Variants in ZBTB17 observed in about 807,000 individuals in gnomAD.
ZBTB17 encodes zinc finger and BTB domain-containing protein 17.
Under a neutral mutation model 85.1 loss-of-function variants are expected in ZBTB17, and 24 were observed. That is an observed-to-expected ratio of 0.28 (90% CI 0.20 to 0.40). ZBTB17 has a LOEUF of 0.40. ZBTB17 is among the 10% of genes least tolerant of loss of function. ZBTB17 has a pLI of 1.00. For synonymous variants in ZBTB17, 464 were observed against 460.2 expected (o/e 1.01, Z -0.11); for missense variants, 743 against 1,105.1 (o/e 0.67, Z 4.65).
chr1:15,967,465 G>A (rs1570202262), intron 2 of ZBTB17, among the ~76,000 whole-genome samples: 1 of 151,408 alleles, frequency 6.6e-6, no homozygotes, highest in Admixed American at 6.6e-5. Flanking sequence ...GATTGCTTGC[G>A]CCCAGGAGTT....
Position 15,943,101 on chromosome 1 carries a change from G to T in ZBTB17, c.1791C>A (p.Asn597Lys). 1 of 1,614,090 alleles carries T rather than the reference G, an allele frequency of 6.2e-7. No homozygotes were observed. The highest frequency in any genetic ancestry group is 8.5e-7 in the Non-Finnish European group (1 of 1,179,982). The part of the protein sequence containing the change: ...KCSVCSKAFV[N>K]VGDLSKHIII... ...TGATGTGCTTGGACAGGTCCCCCAC[G>T]TTCACGAAGGCCTTGCTGCACACGC... The change falls in exon 13 of 16, where the codon AAC becomes AAA. Residue 597 changes from asparagine to lysine, a missense_variant. Around this residue, in one of 4 missense-constraint regions of ZBTB17, gnomAD observed 321 missense variants for 615.7 expected, o/e 0.52. Coordinates refer to ENST00000375743, the MANE Select transcript of ZBTB17 (RefSeq NM_003443.3).
intron 2 of ZBTB17, among the ~76,000 whole-genome samples, chr1:15,956,359 C>A (rs1377642275): frequency 6.6e-6 from 1 of 152,168 alleles, no homozygotes; most frequent in Non-Finnish European, 1.5e-5. Flanking sequence ...GGTTACAGAT[C>A]AAGTAGGGAA....
rs1420165845 is a variant in ZBTB17 at position 15,964,901 on chromosome 1, G to T, written c.-3+8138C>A. Among the ~76,000 whole-genome samples the T allele has an allele frequency of 6.6e-6, 1 of 152,062 alleles. No individual in the cohort carries two copies. Among genetic ancestry groups the T allele is most frequent in the East Asian group, 1.9e-4 (1 of 5,192 alleles). On this transcript the variant is annotated intron_variant, in intron 2 of 15. Coordinates refer to ENST00000375743, the MANE Select transcript of ZBTB17 (RefSeq NM_003443.3). The surrounding 1 kb of genome is among the most constrained non-coding windows in gnomAD (Gnocchi z 4.3). ...GAGGCCGAGATGGGTGGATCATGAG[G>T]TCAGGAGTTCAAGACCAGCCTGGCC...
At chr1:15,942,505 C>G in intron 14 of ZBTB17, 24 bp downstream of exon 14, 1 of 1,609,972 alleles carries the variant, frequency 6.2e-7, no homozygotes, top group Non-Finnish European at 8.5e-7. Context: ...CCTGTGACTT[C>G]CCTCTGCTGC....
rs376942782 is a variant in ZBTB17, at chr1:15,944,989, T to G, written c.875A>C (p.Tyr292Ser). ...SEARGLRSGT[Y>S]GDRTESKAYG... The stretch of plus-strand genomic sequence containing the variant: ...GGCCTTGGACTCCGTGCGGTCGCCG[T>G]AGGTGCCTGAGCGCAGGCCCCGGGC... The change falls in exon 7 of 16, where the codon TAC becomes TCC. Residue 292 changes from tyrosine to serine, a missense_variant. Physicochemically the swap from Tyr to Ser is moderately radical, Grantham distance 144 (BLOSUM62 -2). This residue lies in a region of ZBTB17 where 279 missense variants were observed against 269.9 expected (regional missense o/e 1.03). Coordinates refer to ENST00000375743, the MANE Select transcript of ZBTB17 (RefSeq NM_003443.3). 1.9e-6 allele frequency: 3 copies of G among 1,589,420 alleles called. No individual in the cohort carries two copies. The highest frequency in any genetic ancestry group is 1.3e-5 in the African/African-American group (1 of 74,576).
intron 2 of ZBTB17, among the ~76,000 whole-genome samples, chr1:15,950,292 C>G (rs1002935821): frequency 4.6e-5 from 7 of 152,232 alleles, no homozygotes; most frequent in Non-Finnish European, 7.3e-5. Flanking sequence ...TGCGCTGCTC[C>G]TATGCACTGG....
At chr1:15,945,978 G>T in intron 5 of ZBTB17, 138 bp from the exon 6 acceptor site, 1 of 1,548,180 alleles carries the variant, frequency 6.5e-7, no homozygotes, top group Non-Finnish European at 8.8e-7. Context: ...CAAGGCTGTT[G>T]TGTCTGCTCT....
rs1373427517 is a variant in ZBTB17 at position 15,953,408 on chromosome 1, C to T, written c.-2-4911G>A. On this transcript the variant is annotated intron_variant, in intron 2 of 15. Coordinates refer to ENST00000375743, the MANE Select transcript of ZBTB17 (RefSeq NM_003443.3). The surrounding 1 kb of genome is among the most constrained non-coding windows in gnomAD (Gnocchi z 5.1). ...TGTGCTGGCCAAGGCTGGGTTGCTC[C>T]CAACCACACTCCCGGCCATGCTCAC... Among the ~76,000 whole-genome samples, 1 of 152,162 alleles carries T rather than the reference C, an allele frequency of 6.6e-6. No individual in the cohort carries two copies. Among genetic ancestry groups the T allele is most frequent in the Non-Finnish European group, 1.5e-5 (1 of 68,030 alleles).
At chr1:15,970,071 A>G (rs2072590885) in intron 2 of ZBTB17, 11 of 694,220 alleles carry the variant, frequency 1.6e-5, no homozygotes, top group South Asian at 1.0e-4. Context: ...TTTTACATCA[A>G]TGAAGTCAGA....
chr1:15,947,176 A>G, intron 3 of ZBTB17, 53 bp from the exon 4 acceptor site: 1 of 1,538,708 alleles, frequency 6.5e-7, no homozygotes. Flanking sequence ...CGGCACCGGC[A>G]GCCTGCCCCA....
rs1041131233 is a variant in ZBTB17 at position 15,953,488 on chromosome 1, C to T, written c.-2-4991G>A. ...CGAGGGTCAGAGGAGCTAAGAGAGC[C>T]GCCAAGGCTCCTGCGGGTGGGATTT... On this transcript the variant is annotated intron_variant, in intron 2 of 15. Transcript: ENST00000375743. The surrounding 1 kb of genome is among the most constrained non-coding windows in gnomAD (Gnocchi z 5.1). Among the ~76,000 whole-genome samples, 3 of 152,238 alleles carry T rather than the reference C, an allele frequency of 2.0e-5. No homozygotes were observed. The highest frequency in any genetic ancestry group is 6.5e-5 in the Admixed American group (1 of 15,278).
Position 15,952,936 on chromosome 1 carries a change from G to A in ZBTB17, c.-2-4439C>T, listed in dbSNP as rs555159535. On this transcript the variant is annotated intron_variant, in intron 2 of 15. Transcript: ENST00000375743. The surrounding 1 kb of genome is among the most constrained non-coding windows in gnomAD (Gnocchi z 4.3). ...GATGACTTATGCCACTGGGTTTTGGGGTGCTGTGCTGTGCAGCAGGAGATA... is the reference window on the plus strand; with the variant it reads ...GATGACTTATGCCACTGGGTTTTGGAGTGCTGTGCTGTGCAGCAGGAGATA... 6.6e-6 allele frequency: 1 copy of A among 152,290 alleles called. No individual in the cohort carries two copies. The highest frequency in any genetic ancestry group is 2.1e-4 in the South Asian group (1 of 4,816). 9.4% of individuals were successfully genotyped at this position (152,290 alleles called of 1,614,324 possible). A position where few individuals can be genotyped will look rare whatever the true frequency, so the allele number is the denominator to read the frequency against.
intron 2 of ZBTB17, among the ~76,000 whole-genome samples, chr1:15,957,459 A>G (rs1163753978): frequency 6.6e-6 from 1 of 152,022 alleles, no homozygotes; most frequent in South Asian, 2.1e-4. Flanking sequence ...GGAGAGGAGC[A>G]GGTGTGCATG....
chr1:15,971,550 CTATATATA>C (rs759952736), intron 2 of ZBTB17, among the ~76,000 whole-genome samples: 1 of 74,420 alleles, frequency 1.3e-5, no homozygotes, highest in Admixed American at 1.2e-4. Flanking sequence ...TACACACACA[CTATATATA>C]TACACACACA....
In ZBTB17 at chr1:15,966,581, C is replaced by T. The variant is rs1418868736; in HGVS notation, c.-3+6458G>A. Among the ~76,000 whole-genome samples the T allele has an allele frequency of 6.6e-6, 1 of 152,194 alleles. No individual in the cohort carries two copies. Among genetic ancestry groups the T allele is most frequent in the Non-Finnish European group, 1.5e-5 (1 of 68,044 alleles). On this transcript the variant is annotated intron_variant, in intron 2 of 15. Coordinates refer to ENST00000375743, the MANE Select transcript of ZBTB17 (RefSeq NM_003443.3). The surrounding 1 kb of genome is among the most constrained non-coding windows in gnomAD (Gnocchi z 4.1). ...CGAACCATCTCTCTTCAATTCATAA[C>T]AAGCACGTTTGAATCCAAGAGCCTA...
chr1:15,955,684 T>A (rs1220340183), intron 2 of ZBTB17, among the ~76,000 whole-genome samples: 1 of 152,250 alleles, frequency 6.6e-6, no homozygotes, highest in Non-Finnish European at 1.5e-5. Flanking sequence ...GTGCAATGGC[T>A]CACACCTGTA....
rs140933107 is a variant in ZBTB17, at chr1:15,969,682, G to A, written c.-3+3357C>T. Reference sequence around the variant, plus strand: ...TCTCTTTCTGACTGCCAATATCTTCGCCATCGCCAGCATCACCAACCCAGA... The same window carrying A: ...TCTCTTTCTGACTGCCAATATCTTCACCATCGCCAGCATCACCAACCCAGA... On this transcript the variant is annotated intron_variant, in intron 2 of 15. Coordinates refer to ENST00000375743, the MANE Select transcript of ZBTB17 (RefSeq NM_003443.3). The A allele has an allele frequency of 2.3e-4, 106 of 465,464 alleles. No individual in the cohort carries two copies. In the East Asian group the frequency reaches 5.8e-3, roughly 26 times the overall value. The allele number at this position is 465,464 out of a possible 1,614,324, so 28.8% of individuals were successfully genotyped here.
intron 2 of ZBTB17, among the ~76,000 whole-genome samples, chr1:15,962,629 T>A (rs1485135675): frequency 6.6e-6 from 1 of 152,172 alleles, no homozygotes; most frequent in African/African-American, 2.4e-5. Flanking sequence ...ACTGTGCCCT[T>A]TCCGCTATAG....
chr1:15,945,846 T>G lies in ZBTB17; in HGVS notation c.536-6A>C. 2 of 1,590,502 alleles carry G rather than the reference T, an allele frequency of 1.3e-6. No individual in the cohort carries two copies. Among genetic ancestry groups the G allele is most frequent in the South Asian group, 1.1e-5 (1 of 89,666 alleles). On this transcript the variant is annotated splice_region_variant and splice_polypyrimidine_tract_variant and intron_variant, in intron 5 of 15. Transcript: ENST00000375743. ...TTTCTCTGTCTGCTCTGCACCTGGG[T>G]GGGGGAAGCACCGGAGGCTGGATTG...
Sources: allele counts gnomAD v4.1 joint callset (sites outside exome capture counted in the v4.1 genomes callset), GRCh38; gene constraint gnomAD v4.1.1; regional missense constraint gnomAD v4.1.1; non-coding constraint Gnocchi (gnomAD v3.1); transcripts MANE v1.5; gene names NCBI Gene and HGNC (gene_info 2026-07-23, HGNC 2026-07-21).